Variants in GALNT18 observed in about 807,000 individuals in gnomAD.
GALNT18 encodes the protein GalNAc-transferase 18.
In GALNT18, 44 loss-of-function variants were observed where a neutral mutation model predicts 69.5. The ratio of observed to expected loss-of-function variants is 0.63; its 90% CI spans 0.50 to 0.81. GALNT18 has a LOEUF of 0.81. Among genes scored for constraint, GALNT18 ranks in the 40% least tolerant of loss-of-function variants. The pLI is 0.00. For missense variants in GALNT18, 715 were observed against 810.0 expected, an observed-to-expected ratio of 0.88 and a Z score of 1.42; for synonymous variants, 364 against 318.2, an observed-to-expected ratio of 1.14 and a Z score of -1.53.
Position 11,572,429 on chromosome 11 carries a change from C to T in GALNT18, c.235+48930G>A, listed in dbSNP as rs1450734167. On this transcript the variant is annotated intron_variant, in intron 1 of 10. Coordinates refer to ENST00000227756, the MANE Select transcript of GALNT18 (RefSeq NM_198516.3). ...TCATGAAAATTGTATGAGTGTGTTA[C>T]TGTTGCTATTTCTGTTTTAAAGGTA... Among the ~76,000 whole-genome samples the T allele has an allele frequency of 2.6e-5, 4 of 152,338 alleles. No homozygotes were observed. In the East Asian group the frequency reaches 7.7e-4, roughly 29 times the overall value.
chr11:11,322,239 A>G (rs1321510421), intron 9 of GALNT18, among the ~76,000 whole-genome samples: 1 of 152,224 alleles, frequency 6.6e-6, no homozygotes, highest in Non-Finnish European at 1.5e-5. Context: ...AGATTTTACA[A>G]CTAGAAAGGC....
chr11:11,274,160 C>G (rs909545908), intron 10 of GALNT18, among the ~76,000 whole-genome samples: 4 of 152,216 alleles, frequency 2.6e-5, no homozygotes, highest in African/African-American at 9.6e-5. Flanking sequence ...GGCTCAGATA[C>G]TGTGCTTTTC....
intron 3 of GALNT18, among the ~76,000 whole-genome samples, chr11:11,403,110 T>C (rs550742290): frequency 6.5e-4 from 99 of 152,290 alleles, no homozygotes; most frequent in Non-Finnish European, 1.2e-3. Context: ...CAGAGGGGTA[T>C]GCAGAGAGCT....
intron 1 of GALNT18, among the ~76,000 whole-genome samples, chr11:11,518,995 C>T (rs1395456546): frequency 6.6e-6 from 1 of 152,186 alleles, no homozygotes; most frequent in Non-Finnish European, 1.5e-5. Context: ...CTTGATGGAA[C>T]CAAACCCAGA....
chr11:11,328,489 G>C (rs563330085), intron 8 of GALNT18, among the ~76,000 whole-genome samples: 4 of 152,292 alleles, frequency 2.6e-5, no homozygotes, highest in Non-Finnish European at 5.9e-5. Flanking sequence ...CCAATGAAGA[G>C]GCATGAGATG....
chr11:11,493,408 G>GA (rs1856812750), intron 1 of GALNT18, among the ~76,000 whole-genome samples: 1 of 151,590 alleles, frequency 6.6e-6, no homozygotes, highest in Non-Finnish European at 1.5e-5. Flanking sequence ...TCCCATTCAT[G>GA]AAAACCTCCT....
At chr11:11,423,203 CATGA>C (rs1426988071) in intron 3 of GALNT18, among the ~76,000 whole-genome samples, 3 of 152,230 alleles carry the variant, frequency 2.0e-5, no homozygotes, top group African/African-American at 7.2e-5. Context: ...CACTTGTATG[CATGA>C]ATATGAACAC....
chr11:11,444,639 T>A lies in GALNT18; in HGVS notation c.428+4105A>T, dbSNP rs1855606707. 6.6e-6 allele frequency among the ~76,000 whole-genome samples: 1 copy of A among 152,060 alleles called. No homozygotes were observed. Among genetic ancestry groups the A allele is most frequent in the African/African-American group, 2.4e-5 (1 of 41,386 alleles). On this transcript the variant is annotated intron_variant, in intron 2 of 10. Coordinates refer to ENST00000227756, the MANE Select transcript of GALNT18 (RefSeq NM_198516.3). This position sits in a 1 kb window ranked among gnomAD's most constrained non-coding sequence, Gnocchi z 4.4. ...ACATGACAAGCTGGGTCAGATTACA[T>A]CTTTCAGTACCAAGAAAAAAAGGAG... is the stretch of plus-strand genomic sequence containing the variant.
chr11:11,586,834 A>AC lies in GALNT18; in HGVS notation c.235+34524_235+34525insG, dbSNP rs1491381561. Among the ~76,000 whole-genome samples, 2,740 of 19,886 alleles carry AC rather than the reference A, an allele frequency of 0.14. 80 individuals are homozygous for AC. The highest frequency in any genetic ancestry group is 0.2 in the African/African-American group (2,525 of 12,822). The allele number at this position is 19,886 out of a possible 152,430, so 13.0% of individuals were successfully genotyped here. On this transcript the variant is annotated intron_variant, in intron 1 of 10. Coordinates refer to ENST00000227756, the MANE Select transcript of GALNT18 (RefSeq NM_198516.3). This position sits in a 1 kb window ranked among gnomAD's most constrained non-coding sequence, Gnocchi z 4.1. ...ACTAAAAACACACACACACACACAC[A>AC]AAAAAAAGCCAGGTGTGGTGGCGGG...
intron 1 of GALNT18, among the ~76,000 whole-genome samples, chr11:11,579,707 A>G (rs1259710704): frequency 2.0e-5 from 3 of 152,246 alleles, no homozygotes; most frequent in Non-Finnish European, 4.4e-5. Context: ...CTCTTTCTGA[A>G]TAAATGATTA....
intron 1 of GALNT18, among the ~76,000 whole-genome samples, chr11:11,589,469 A>C (rs1163539220): frequency 6.6e-6 from 1 of 152,200 alleles, no homozygotes; most frequent in Non-Finnish European, 1.5e-5. Context: ...TCCAAATATG[A>C]ATCAAAAGGA....
At chr11:11,581,735 A>G (rs1416328093) in intron 1 of GALNT18, among the ~76,000 whole-genome samples, 1 of 152,114 alleles carries the variant, frequency 6.6e-6, no homozygotes, top group Non-Finnish European at 1.5e-5. Context: ...CCAGGGGCCT[A>G]AAAAGAATGC....
intron 3 of GALNT18, among the ~76,000 whole-genome samples, chr11:11,428,475 G>A (rs753170230): frequency 5.9e-5 from 9 of 152,226 alleles, no homozygotes; most frequent in Non-Finnish European, 1.2e-4. Context: ...CTGCTGCTGC[G>A]CTTGACTCTG....
intron 1 of GALNT18, among the ~76,000 whole-genome samples, chr11:11,532,828 C>T (rs780720273): frequency 6.6e-6 from 1 of 152,232 alleles, no homozygotes; most frequent in South Asian, 2.1e-4. Flanking sequence ...ATCCCTCAGC[C>T]TACTCTCTTG....
chr11:11,468,300 C>A (rs1286421606), intron 1 of GALNT18, among the ~76,000 whole-genome samples: 1 of 152,156 alleles, frequency 6.6e-6, no homozygotes, highest in Non-Finnish European at 1.5e-5. Context: ...CCCACCTCCC[C>A]AAGGCAAGTT....
At chr11:11,571,774 GA>G (rs914855170) in intron 1 of GALNT18, among the ~76,000 whole-genome samples, 4 of 151,684 alleles carry the variant, frequency 2.6e-5, no homozygotes, top group East Asian at 3.9e-4. Context: ...CAATGACCTG[GA>G]AAAAAAAATT....
intron 1 of GALNT18, among the ~76,000 whole-genome samples, chr11:11,531,058 G>A (rs948301328): frequency 4.6e-5 from 7 of 152,158 alleles, no homozygotes; most frequent in Non-Finnish European, 1.0e-4. Context: ...CCTGCAATAG[G>A]CCTTTGCCGG....
chr11:11,325,205 G>T (rs1849897730), intron 9 of GALNT18, among the ~76,000 whole-genome samples: 2 of 152,236 alleles, frequency 1.3e-5, no homozygotes, highest in South Asian at 2.1e-4. Context: ...GTCTTTTGCA[G>T]TAACTTGGAT....
intron 1 of GALNT18, among the ~76,000 whole-genome samples, chr11:11,580,032 A>G (rs942119589): frequency 1.3e-5 from 2 of 152,308 alleles, no homozygotes; most frequent in South Asian, 2.1e-4. Context: ...TGGACGGTGG[A>G]AAGTTCTGTA....
Sources: allele counts gnomAD v4.1 joint callset (sites outside exome capture counted in the v4.1 genomes callset), GRCh38; gene constraint gnomAD v4.1.1; non-coding constraint Gnocchi (gnomAD v3.1); transcripts MANE v1.5; gene names NCBI Gene and HGNC (gene_info 2026-07-23, HGNC 2026-07-21).